Variants in SDHC observed in about 807,000 individuals in gnomAD.
The protein encoded by SDHC is succinate dehydrogenase complex subunit C.
SDHC carries 11 observed loss-of-function variants against 22.6 expected under a neutral mutation model. That is an observed-to-expected ratio of 0.49 (90% CI 0.31 to 0.81). SDHC has a LOEUF of 0.81. Among genes scored for constraint, SDHC ranks in the 30% least tolerant of loss-of-function variants. The pLI is 0.05. For synonymous variants in SDHC, 80 were observed against 77.8 expected, an observed-to-expected ratio of 1.03 and a Z score of -0.15; for missense variants, 160 against 212.0, an observed-to-expected ratio of 0.75 and a Z score of 1.52.
rs199710144 is a variant in SDHC, at chr1:161,362,705, C to G, written c.*272C>G. The G allele has an allele frequency of 4.9e-6, 3 of 617,694 alleles. No homozygotes were observed. The highest frequency in any genetic ancestry group is 5.9e-5 in the Admixed American group (2 of 33,952). 38.3% of individuals were successfully genotyped at this position (617,694 alleles called of 1,614,324 possible). A position where few individuals can be genotyped will look rare whatever the true frequency, so the allele number is the denominator to read the frequency against. ...CTCTCGGCCTAGAAGCAGTTATTCT[C>G]TCTCCATATTGGGCTTTGATTTGTG... On this transcript the variant is annotated 3_prime_UTR_variant, in exon 6 of 6. Transcript: ENST00000367975.
intron 1 of SDHC, 148 bp downstream of exon 1, chr1:161,314,573 A>C (rs1571829311): frequency 1.1e-6 from 1 of 933,548 alleles, no homozygotes; most frequent in Non-Finnish European, 1.7e-6. Context: ...GATCCTAGAG[A>C]CCCCTTTTCC....
In SDHC at chr1:161,336,255, G is replaced by A. The variant is rs375033350; in HGVS notation, c.180-4339G>A. The stretch of plus-strand genomic sequence containing the variant: ...GGGTGGATCATGAGGTCAAGAGATC[G>A]AGATCATCCTGATCTCAGGTGAAAC... On this transcript the variant is annotated intron_variant, in intron 3 of 5. Transcript: ENST00000367975. Among the ~76,000 whole-genome samples the A allele has an allele frequency of 7.9e-5, 12 of 152,108 alleles. No homozygotes were observed. In the East Asian group the frequency reaches 1.9e-3, roughly 24 times the overall value.
chr1:161,342,116 T>C (rs886690847), intron 4 of SDHC, among the ~76,000 whole-genome samples: 1 of 152,248 alleles, frequency 6.6e-6, no homozygotes, highest in Non-Finnish European at 1.5e-5. Flanking sequence ...CTGGCATTTC[T>C]GTGTGATGTG....
chr1:161,322,880 C>T lies in SDHC; in HGVS notation c.21-734C>T, dbSNP rs185668343. ...CCTGGCCTGACCTTTTAAATTCATC[C>T]GTTTGTAGTAGATATTTGCTAAAGC... On this transcript the variant is annotated intron_variant, in intron 1 of 5. Transcript: ENST00000367975. Among the ~76,000 whole-genome samples the T allele has an allele frequency of 3.0e-3, 457 of 151,730 alleles. 1 individual carries two copies. The highest frequency in any genetic ancestry group is 0.015 in the South Asian group (71 of 4,802).
rs984563447 is a variant in SDHC at position 161,340,712 on chromosome 1, T to G, written c.241+57T>G. 6.6e-6 allele frequency: 9 copies of G among 1,369,652 alleles called. No homozygotes were observed. The African/African-American group carries it at 8.6e-5, about 13-fold the overall frequency. 84.8% of individuals were successfully genotyped at this position (1,369,652 alleles called of 1,614,324 possible). On this transcript the variant is annotated intron_variant, in intron 4 of 5. Coordinates refer to ENST00000367975, the MANE Select transcript of SDHC (RefSeq NM_003001.5). ...TGCTTCTTTGAAAAACTTGGCTGTT[T>G]CATTGGCCCTAGTCTCCGCCTCCTT...
intron 4 of SDHC, among the ~76,000 whole-genome samples, chr1:161,345,511 T>C (rs4525064): frequency 0.12 from 17,782 of 152,064 alleles, 1,408 homozygotes; most frequent in African/African-American, 0.22. Context: ...GGCTATAATG[T>C]AGTGGCGCGA....
chr1:161,323,006 AT>A (rs985710196), intron 1 of SDHC, among the ~76,000 whole-genome samples: 1 of 145,802 alleles, frequency 6.9e-6, no homozygotes, highest in Non-Finnish European at 1.5e-5. Flanking sequence ...CCTAGCTTTT[AT>A]TTTTTTTTTG....
intron 1 of SDHC, among the ~76,000 whole-genome samples, chr1:161,319,157 G>T (rs778912592): frequency 6.6e-6 from 1 of 152,142 alleles, no homozygotes; most frequent in African/African-American, 2.4e-5. Context: ...GGAAGTGGAG[G>T]TTGCTGTGAG....
In SDHC at chr1:161,362,807, G is replaced by A. The variant is rs570364444; in HGVS notation, c.*374G>A. 85 of 531,614 alleles carry A rather than the reference G, an allele frequency of 1.6e-4. No individual in the cohort carries two copies. Among genetic ancestry groups the A allele is most frequent in the South Asian group, 1.5e-3 (75 of 48,400 alleles). 32.9% of individuals were successfully genotyped at this position (531,614 alleles called of 1,614,324 possible). ...GCTCTGTGGCTTCTGCCCTGGGGATGGGCCGGGTTGGGGGGTGGGTTGGTG... is the reference window on the plus strand; with the variant it reads ...GCTCTGTGGCTTCTGCCCTGGGGATAGGCCGGGTTGGGGGGTGGGTTGGTG... On this transcript the variant is annotated 3_prime_UTR_variant, in exon 6 of 6. Coordinates refer to ENST00000367975, the MANE Select transcript of SDHC (RefSeq NM_003001.5).
intron 3 of SDHC, among the ~76,000 whole-genome samples, chr1:161,333,269 T>G (rs1671347352): frequency 6.6e-6 from 1 of 152,232 alleles, no homozygotes; most frequent in African/African-American, 2.4e-5. Flanking sequence ...GTTTCCACTT[T>G]TTGGCTATTA....
At chr1:161,320,222 T>C (rs758448508) in intron 1 of SDHC, among the ~76,000 whole-genome samples, 10 of 151,592 alleles carry the variant, frequency 6.6e-5, no homozygotes, top group Non-Finnish European at 1.3e-4. Context: ...TGCCATCATA[T>C]GGGGGGGGTG....
rs1558162559 is a variant in SDHC at position 161,320,081 on chromosome 1, T to C, written c.21-3533T>C. On this transcript the variant is annotated intron_variant, in intron 1 of 5. Transcript: ENST00000367975. ...TTAGTGTTGGTGTTATTGAATGATA[T>C]GTAAGAGATTGGTGCGAGGGAGATC... 5.3e-5 allele frequency among the ~76,000 whole-genome samples: 8 copies of C among 152,298 alleles called. 1 individual carries two copies. The South Asian group carries it at 1.7e-3, about 32-fold the overall frequency.
rs372863777 is a variant in SDHC, at chr1:161,330,298, A to G, written c.179+1801A>G. ...TCTGGGTATAATCCTTTTGAGGAAC[A>G]TTTTCTCTTCATCTGTGAATCTAAA... On this transcript the variant is annotated intron_variant, in intron 3 of 5. Transcript: ENST00000367975. Among the ~76,000 whole-genome samples the G allele has an allele frequency of 2.6e-4, 40 of 152,314 alleles. No individual in the cohort carries two copies. The South Asian group carries it at 8.1e-3, about 31-fold the overall frequency.
At chr1:161,332,459 A>T (rs144339833) in intron 3 of SDHC, among the ~76,000 whole-genome samples, 105 of 152,150 alleles carry the variant, frequency 6.9e-4, no homozygotes, top group African/African-American at 2.4e-3. Flanking sequence ...TTTTAATAAC[A>T]TGTTCCTAAT....
Position 161,362,522 on chromosome 1 carries a change from G to A in SDHC, c.*89G>A, listed in dbSNP as rs759680141. On this transcript the variant is annotated 3_prime_UTR_variant, in exon 6 of 6. Transcript: ENST00000367975. ...CATTCTTATCTCCAGCCTGGGAAAA[G>A]TTCTCCTTATTTGTTTAGATCCTTT... 4.4e-6 allele frequency: 7 copies of A among 1,609,026 alleles called. No individual in the cohort carries two copies. In the South Asian group the frequency reaches 6.6e-5, roughly 15 times the overall value.
chr1:161,331,181 G>A (rs1489027426), intron 3 of SDHC, among the ~76,000 whole-genome samples: 2 of 151,984 alleles, frequency 1.3e-5, no homozygotes, highest in Non-Finnish European at 2.9e-5. Context: ...CCTTTTATGT[G>A]ACTAAATATT....
chr1:161,320,428 A>G (rs887496865), intron 1 of SDHC, among the ~76,000 whole-genome samples: 4 of 152,224 alleles, frequency 2.6e-5, no homozygotes, highest in Non-Finnish European at 4.4e-5. Context: ...GAAACTCATT[A>G]TATTACAGTC....
chr1:161,332,602 A>G (rs573430734), intron 3 of SDHC, among the ~76,000 whole-genome samples: 5 of 151,658 alleles, frequency 3.3e-5, no homozygotes, highest in African/African-American at 1.2e-4. Flanking sequence ...TTGTTCAGCC[A>G]TCACCACAAT....
At chr1:161,351,731 G>A (rs1672105116) in intron 4 of SDHC, among the ~76,000 whole-genome samples, 1 of 152,140 alleles carries the variant, frequency 6.6e-6, no homozygotes, top group Non-Finnish European at 1.5e-5. Context: ...GAGGTTGTGG[G>A]GAAGCAGATG....
Sources: gnomAD v4.1 joint callset for allele counts (sites outside exome capture counted in the v4.1 genomes callset) on GRCh38, gnomAD v4.1.1 for gene constraint, MANE v1.5 for transcripts, NCBI Gene and HGNC (gene_info 2026-07-23, HGNC 2026-07-21) for gene names.